The following ZNF536 variants were observed in gnomAD, a reference collection of about 807,000 sequenced individuals.
ZNF536 encodes the protein zinc finger protein 536.
ZNF536 carries 13 observed loss-of-function variants against 84.5 expected under a neutral mutation model. That is an observed-to-expected ratio of 0.15 (90% CI 0.10 to 0.24). The LOEUF is 0.24. ZNF536 is among the 10% of genes least tolerant of loss of function. ZNF536 has a pLI of 1.00. For synonymous variants in ZNF536, 811 were observed against 742.5 expected (o/e 1.09, Z -1.50); for missense variants, 1,536 against 1,747.5 (o/e 0.88, Z 2.16).
At position 30,646,429 on chromosome 19, in the gene ZNF536, G is replaced by A. The variant is rs114135295; in HGVS notation, c.170-64328G>A. ...GCACAATGTGTGTTTAGGCAGGAGTGCATCTTTGCAAGGTGTGAAGGTGTG... is the reference window on the plus strand; with the variant it reads ...GCACAATGTGTGTTTAGGCAGGAGTACATCTTTGCAAGGTGTGAAGGTGTG... On this transcript the variant is annotated intron_variant, in intron 1 of 1. Transcript: ENST00000592773. Among the ~76,000 whole-genome samples, 816 of 152,346 alleles carry A rather than the reference G, an allele frequency of 5.4e-3. 9 individuals are homozygous for A. The highest frequency in any genetic ancestry group is 0.019 in the African/African-American group (772 of 41,578).
At position 30,606,214 on chromosome 19, in the gene ZNF536, A is replaced by AAAT. The variant is rs1322388245; in HGVS notation, c.169+56702_169+56704dup. On this transcript the variant is annotated intron_variant, in intron 1 of 1. Coordinates refer to the ZNF536 transcript ENST00000592773. ...TAAAATAATAAAATAAAATAAAATA[A>AAAT]AATATAAAATAAAATAATAAAATAA... is the stretch of plus-strand genomic sequence containing the variant. Among the ~76,000 whole-genome samples the AAAT allele has an allele frequency of 2.2e-5, 3 of 136,798 alleles. No homozygotes were observed. In the South Asian group the frequency reaches 6.8e-4, roughly 31 times the overall value. 89.7% of individuals were successfully genotyped at this position (136,798 alleles called of 152,430 possible). A position where few individuals can be genotyped will look rare whatever the true frequency, so the allele number is the denominator to read the frequency against.
intron 1 of ZNF536, among the ~76,000 whole-genome samples, chr19:30,384,189 T>C (rs2049221740): frequency 1.8e-5 from 1 of 55,854 alleles, no homozygotes; most frequent in African/African-American, 5.5e-5. Flanking sequence ...TTCTTTCTCC[T>C]TCCTTCCTTC....
intron 1 of ZNF536, among the ~76,000 whole-genome samples, chr19:30,596,452 G>A (rs985401638): frequency 6.6e-6 from 1 of 152,142 alleles, no homozygotes; most frequent in African/African-American, 2.4e-5. Flanking sequence ...GACAATCGCG[G>A]CACAGCCATT....
chr19:30,268,955 G>A (rs1255709774), intron 1 of ZNF536, among the ~76,000 whole-genome samples: 1 of 152,178 alleles, frequency 6.6e-6, no homozygotes, highest in African/African-American at 2.4e-5. Flanking sequence ...TCTAAGTCAA[G>A]TAGTTTGCAT....
chr19:30,599,471 C>T (rs4804937), intron 1 of ZNF536, among the ~76,000 whole-genome samples: 1 of 47,366 alleles, frequency 2.1e-5, no homozygotes, highest in Non-Finnish European at 3.6e-5. Context: ...TCCCTCCCTC[C>T]TTCCTTCCTT....
intron 1 of ZNF536, among the ~76,000 whole-genome samples, chr19:30,663,474 G>A (rs1028536491): frequency 9.2e-5 from 14 of 152,056 alleles, no homozygotes; most frequent in Non-Finnish European, 1.8e-4. Flanking sequence ...ATTATACGAC[G>A]CCTTCCAAAT....
At chr19:30,429,494 C>T (rs1435901423) in intron 1 of ZNF536, among the ~76,000 whole-genome samples, 2 of 152,124 alleles carry the variant, frequency 1.3e-5, no homozygotes. Context: ...GGCAGTGTCA[C>T]CCCGCATCGT....
intron 1 of ZNF536, among the ~76,000 whole-genome samples, chr19:30,686,582 C>T (rs889197517): frequency 2.6e-5 from 4 of 152,214 alleles, no homozygotes; most frequent in African/African-American, 9.6e-5. Flanking sequence ...CCAGCCTGCT[C>T]TTCGTCCTCC....
intron 2 of ZNF536, among the ~76,000 whole-genome samples, chr19:30,308,149 G>A (rs2046396016): frequency 6.6e-6 from 1 of 152,184 alleles, no homozygotes; most frequent in Non-Finnish European, 1.5e-5. Context: ...CACCTGTGGA[G>A]GTGAGCATTA....
intron 1 of ZNF536, among the ~76,000 whole-genome samples, chr19:30,658,125 C>A (rs898420010): frequency 6.6e-6 from 1 of 151,780 alleles, no homozygotes; most frequent in Non-Finnish European, 1.5e-5. Flanking sequence ...CAGGTTCAAG[C>A]GATTCTCCTG....
intron 2 of ZNF536, among the ~76,000 whole-genome samples, chr19:30,446,281 A>C (rs2052343254): frequency 6.7e-6 from 1 of 150,200 alleles, no homozygotes; most frequent in Non-Finnish European, 1.5e-5. Context: ...AAAAGAAAGA[A>C]AGAAAGAAAG....
In ZNF536 at chr19:30,494,945, CAAAAAAGAAAA is replaced by C. The variant is rs2054657515; in HGVS notation, c.2171-39895_2171-39885del. ...TGGGCAACAGAGTGAGACTCCGTCT[CAAAAAAGAAAA>C]AAAAAAAAAAAAAAGCCCCCTCAGC... On this transcript the variant is annotated intron_variant, in intron 2 of 4. Transcript: ENST00000355537. 4.3e-5 allele frequency among the ~76,000 whole-genome samples: 3 copies of C among 69,954 alleles called. 1 individual carries two copies. Among genetic ancestry groups the C allele is most frequent in the African/African-American group, 5.5e-5 (1 of 18,348 alleles). The allele number at this position is 69,954 out of a possible 152,430, so 45.9% of individuals were successfully genotyped here.
chr19:30,361,619 C>A (rs2048277745), intron 3 of ZNF536, among the ~76,000 whole-genome samples: 1 of 152,112 alleles, frequency 6.6e-6, no homozygotes, highest in African/African-American at 2.4e-5. Context: ...TTTTGGAGGT[C>A]TTTCTCTTTG....
intron 1 of ZNF536, among the ~76,000 whole-genome samples, chr19:30,682,974 A>C (rs2051035683): frequency 6.6e-6 from 1 of 152,256 alleles, no homozygotes; most frequent in African/African-American, 2.4e-5. Context: ...GCGAGCTATG[A>C]TAACTGTAAG....
intron 1 of ZNF536, among the ~76,000 whole-genome samples, chr19:30,672,904 C>T (rs1221505859): frequency 6.6e-6 from 1 of 152,162 alleles, no homozygotes; most frequent in Non-Finnish European, 1.5e-5. Context: ...TGTGGACAAC[C>T]TCAAGAAAGC....
intron 3 of ZNF536, among the ~76,000 whole-genome samples, chr19:30,362,503 C>T (rs1426288939): frequency 2.0e-5 from 3 of 152,198 alleles, no homozygotes; most frequent in Non-Finnish European, 4.4e-5. Context: ...TGCTGTTCTA[C>T]GACTCTTGGC....
At chr19:30,610,341 C>T (rs2048060973) in intron 1 of ZNF536, among the ~76,000 whole-genome samples, 1 of 152,144 alleles carries the variant, frequency 6.6e-6, no homozygotes, top group African/African-American at 2.4e-5. Flanking sequence ...TTCCAAGAGG[C>T]TGGGAGAGCT....
chr19:30,623,942 T>G (rs8106522), intron 1 of ZNF536, among the ~76,000 whole-genome samples: 1 of 152,194 alleles, frequency 6.6e-6, no homozygotes, highest in South Asian at 2.1e-4. Context: ...CAGAGTCCCA[T>G]GTTTCATGGG....
At chr19:30,559,835 C>T (rs1018818469), downstream of ZNF536, among the ~76,000 whole-genome samples, 1 of 152,168 alleles carries the variant, frequency 6.6e-6, no homozygotes, top group East Asian at 1.9e-4. Context: ...CCCAATCCCC[C>T]TAACGGGATC....
Sources: gnomAD v4.1 joint callset for allele counts (sites outside exome capture counted in the v4.1 genomes callset) on GRCh38, gnomAD v4.1.1 for gene constraint, MANE v1.5 for transcripts, NCBI Gene and HGNC (gene_info 2026-07-23, HGNC 2026-07-21) for gene names.